The following VPS13C variants were observed in gnomAD, a reference collection of about 807,000 sequenced individuals.
VPS13C encodes the protein intermembrane lipid transfer protein VPS13C.
In VPS13C, 358 loss-of-function variants were observed where a neutral mutation model predicts 456.8. That is an observed-to-expected ratio of 0.78 (90% CI 0.72 to 0.86). The LOEUF is 0.86. VPS13C is among the 40% of genes least tolerant of loss of function. The pLI is 0.00. For missense variants in VPS13C, 4,818 were observed against 4,385.4 expected (o/e 1.10, Z -2.79); for synonymous variants, 1,578 against 1,486.7 (o/e 1.06, Z -1.41).
chr15:62,026,401 A>G (rs532093043), intron 6 of VPS13C, among the ~76,000 whole-genome samples: 1 of 152,206 alleles, frequency 6.6e-6, no homozygotes, highest in South Asian at 2.1e-4. Flanking sequence ...TGTTAATATT[A>G]CCACCAATCT....
chr15:62,015,866 T>C (rs573791264), intron 9 of VPS13C, among the ~76,000 whole-genome samples: 1 of 135,340 alleles, frequency 7.4e-6, no homozygotes, highest in Non-Finnish European at 1.5e-5. Flanking sequence ...CGCACCAGCA[T>C]GGCACATGTA....
chr15:61,900,247 T>C (rs1051933529), intron 66 of VPS13C, among the ~76,000 whole-genome samples: 2 of 152,222 alleles, frequency 1.3e-5, no homozygotes, highest in African/African-American at 4.8e-5. Flanking sequence ...AACATAGTGT[T>C]GGAAGTTCTT....
At chr15:62,004,258 T>C (rs1267169310) in intron 15 of VPS13C, among the ~76,000 whole-genome samples, 1,565 of 151,474 alleles carry the variant, frequency 0.01, 35 homozygotes, top group African/African-American at 0.036. Context: ...GGAGAGTGTA[T>C]GTGTCGAGGA....
chr15:61,922,499 A>T lies in VPS13C; in HGVS notation c.6873T>A (p.Leu2291=). The T allele has an allele frequency of 6.2e-7, 1 of 1,614,104 alleles. No individual in the cohort carries two copies. Among genetic ancestry groups the T allele is most frequent in the Non-Finnish European group, 8.5e-7 (1 of 1,179,960 alleles). ...ATAATAAAGGTACAGTTCGATGTCC[A>T]AGGCCACATTCTAAGGTAACTTGAA... ...ESIQVTLECG[L]GHRTVPLLLA... Residue 2291 remains leucine (L), a synonymous_variant, in exon 54 of 85, where the codon CTT becomes CTA. Transcript: ENST00000644861.
intron 5 of VPS13C, among the ~76,000 whole-genome samples, chr15:62,032,107 T>G (rs1431020053): frequency 2.0e-5 from 3 of 151,862 alleles, no homozygotes; most frequent in African/African-American, 7.2e-5. Context: ...TAAGTATACA[T>G]CAATATACCT....
Position 61,881,549 on chromosome 15 carries a change from G to T in VPS13C, c.9776+14C>A. The T allele has an allele frequency of 6.3e-7, 1 of 1,576,268 alleles. No individual in the cohort carries two copies. The highest frequency in any genetic ancestry group is 8.6e-7 in the Non-Finnish European group (1 of 1,165,000). ...TTAAATTCTTTTAGAGAAACAGCAG[G>T]AATCTTCACTTACTTGAACTGTAAG... On this transcript the variant is annotated intron_variant, in intron 71 of 84. Transcript: ENST00000644861.
intron 26 of VPS13C, 41 bp from the exon 27 acceptor site, chr15:61,972,805 A>G (rs1447774549): frequency 1.9e-6 from 3 of 1,544,444 alleles, no homozygotes; most frequent in South Asian, 1.2e-5. Context: ...GACAATGTAC[A>G]TTGAAAACTG....
At chr15:61,922,076 T>C (rs948541071) in intron 54 of VPS13C, 43 bp from the exon 55 acceptor site, 1 of 1,581,962 alleles carries the variant, frequency 6.3e-7, no homozygotes, top group Non-Finnish European at 8.7e-7. Flanking sequence ...CCTTTGGCTT[T>C]AATTACATAT....
chr15:61,957,488 A>C (rs544776693), intron 37 of VPS13C, among the ~76,000 whole-genome samples: 1 of 152,286 alleles, frequency 6.6e-6, no homozygotes, highest in Admixed American at 6.5e-5. Flanking sequence ...ATAATGAAAA[A>C]TACAATGGCA....
intron 8 of VPS13C, among the ~76,000 whole-genome samples, chr15:62,020,985 T>C (rs1596488483): frequency 6.6e-6 from 1 of 152,096 alleles, no homozygotes; most frequent in East Asian, 1.9e-4. Context: ...TGTTTGGGTT[T>C]TTTTGCAGCA....
At chr15:62,037,902 A>G (rs1233591321) in intron 3 of VPS13C, among the ~76,000 whole-genome samples, 1 of 152,136 alleles carries the variant, frequency 6.6e-6, no homozygotes, top group Admixed American at 6.6e-5. Context: ...AAACATAAAA[A>G]TATTCTTGTA....
chr15:61,960,085 T>TA (rs1367941317), intron 35 of VPS13C, among the ~76,000 whole-genome samples: 1 of 152,128 alleles, frequency 6.6e-6, no homozygotes, highest in Non-Finnish European at 1.5e-5. Flanking sequence ...GGGTAGAAAA[T>TA]AATTTTAAAA....
At chr15:62,031,467 C>T (rs1448458288) in intron 5 of VPS13C, among the ~76,000 whole-genome samples, 1 of 151,900 alleles carries the variant, frequency 6.6e-6, no homozygotes, top group African/African-American at 2.4e-5. Flanking sequence ...GAAGATGTGA[C>T]TCATATCCAC....
Position 61,972,734 on chromosome 15 carries a change from T to A in VPS13C, c.2648A>T (p.Asp883Val), listed in dbSNP as rs1185972121. 1.9e-6 allele frequency: 3 copies of A among 1,612,398 alleles called. No individual in the cohort carries two copies. Among genetic ancestry groups the A allele is most frequent in the Non-Finnish European group, 2.5e-6 (3 of 1,179,338 alleles). The change falls in exon 27 of 85, where the codon GAT (aspartate) becomes GTT (valine). Residue 883 changes from aspartate to valine, a missense_variant. Around this residue, in one of 3 missense-constraint regions of VPS13C, gnomAD observed 4,552 missense variants for 4,130.6 expected, o/e 1.10. Transcript: ENST00000644861. ...ACTTTTACAAGTCTGTGGTTCTCCA[T>A]CTTCAGCATCAAAATACTCATCATC... Reference protein sequence around the residue: ...ESDDEYFDAEDGEPQTCKSMK... With the variant: ...ESDDEYFDAEVGEPQTCKSMK...
intron 3 of VPS13C, among the ~76,000 whole-genome samples, chr15:62,037,203 ATATATAAATATATTATATAATATAT>A (rs2048030680): frequency 9.3e-6 from 1 of 107,156 alleles, no homozygotes; most frequent in African/African-American, 3.8e-5. Flanking sequence ...AATAAATATA[ATATATAAATATATTATATAATATAT>A]TATATATAAA....
intron 18 of VPS13C, among the ~76,000 whole-genome samples, chr15:61,988,197 A>G (rs1340179644): frequency 6.6e-6 from 1 of 152,216 alleles, no homozygotes; most frequent in African/African-American, 2.4e-5. Flanking sequence ...TGCAAGGCAA[A>G]AGAAGAAAAA....
At chr15:61,994,805 G>C (rs1005622931) in intron 16 of VPS13C, among the ~76,000 whole-genome samples, 1 of 152,080 alleles carries the variant, frequency 6.6e-6, no homozygotes, top group South Asian at 2.1e-4. Context: ...GGCCAGGCTG[G>C]TCTCAAACTC....
Position 61,940,739 on chromosome 15 carries a change from T to G in VPS13C, c.5509A>C (p.Asn1837His). 1 of 1,613,712 alleles carries G rather than the reference T, an allele frequency of 6.2e-7. No individual in the cohort carries two copies. Among genetic ancestry groups the G allele is most frequent in the Non-Finnish European group, 8.5e-7 (1 of 1,179,794 alleles). ...TTTCGCTGTATGGACAAAAGCATGT[T>G]GACTGGTTTTAAAATTTCAATGTCA... ...QNDIEILKPV[N>H]MLLSIQRNLA... The change falls in exon 47 of 85, where the codon AAC (asparagine) becomes CAC (histidine). Residue 1837 changes from asparagine to histidine, a missense_variant. Coordinates refer to ENST00000644861, the MANE Select transcript of VPS13C (RefSeq NM_020821.3).
chr15:61,902,353 A>C (rs1044051374), intron 66 of VPS13C, among the ~76,000 whole-genome samples: 5 of 148,076 alleles, frequency 3.4e-5, no homozygotes, highest in African/African-American at 5.0e-5. Context: ...CAAAAAAAAA[A>C]CTGCAGAGCG....
Sources: gnomAD v4.1 joint callset for allele counts (sites outside exome capture counted in the v4.1 genomes callset) on GRCh38, gnomAD v4.1.1 for gene constraint, gnomAD v4.1.1 regional missense constraint, MANE v1.5 for transcripts, NCBI Gene and HGNC (gene_info 2026-07-23, HGNC 2026-07-21) for gene names.